Variants in PTPN20 observed in about 807,000 individuals in gnomAD.
PTPN20 encodes the protein tyrosine-protein phosphatase non-receptor type 20.
PTPN20 carries 9 observed loss-of-function variants against 35.0 expected under a neutral mutation model. That is an observed-to-expected ratio of 0.26 (90% CI 0.15 to 0.45). The LOEUF (loss-of-function observed/expected upper bound fraction) is 0.45, where lower values mean the gene tolerates loss of function less well. Ranked by LOEUF, PTPN20 falls within the 20% of genes least tolerant of loss-of-function variation. The pLI, the probability that PTPN20 is intolerant of heterozygous loss-of-function variation, is 1.00. For synonymous variants in PTPN20, 32 were observed against 100.2 expected, an observed-to-expected ratio of 0.32 and a Z score of 4.06; for missense variants, 111 against 312.5, an observed-to-expected ratio of 0.36 and a Z score of 4.86.
chr10:46,999,257 C>G (rs1285620699), intron 9 of PTPN20, among the ~76,000 whole-genome samples: 1 of 152,172 alleles, frequency 6.6e-6, no homozygotes, highest in Non-Finnish European at 1.5e-5. Flanking sequence ...TGAAACGACT[C>G]ATTCTCAGCT....
intron 1 of PTPN20, among the ~76,000 whole-genome samples, chr10:46,920,267 A>G (rs1322580483): frequency 1.1e-5 from 1 of 92,902 alleles, no homozygotes; most frequent in African/African-American, 5.3e-5. Flanking sequence ...CTTTATATAG[A>G]TAGATATTCC....
At chr10:46,955,089 T>C (rs2048071551) in intron 5 of PTPN20, 2 of 150,946 alleles carry the variant, frequency 1.3e-5, no homozygotes, top group Admixed American at 6.6e-5. Context: ...TGCTATTTTG[T>C]GTAAAGGACT....
At chr10:46,936,429 T>C (rs2041682966) in intron 2 of PTPN20, among the ~76,000 whole-genome samples, 1 of 152,112 alleles carries the variant, frequency 6.6e-6, no homozygotes, top group Admixed American at 6.6e-5. Context: ...ATCTATTCCA[T>C]AGCCTAGAAA....
intron 1 of PTPN20, among the ~76,000 whole-genome samples, chr10:46,919,090 T>G (rs1378066339): frequency 1.3e-5 from 2 of 149,000 alleles, no homozygotes; most frequent in East Asian, 1.9e-4. Context: ...TTGTCGATGT[T>G]AATATGGCCA....
intron 1 of PTPN20, among the ~76,000 whole-genome samples, chr10:46,928,133 A>T (rs1267472200): frequency 6.6e-6 from 1 of 151,236 alleles, no homozygotes; most frequent in Non-Finnish European, 1.5e-5. Flanking sequence ...TGGCAACTGT[A>T]TCATCATCAG....
At chr10:46,977,156 G>GAAAA (rs1265360912) in intron 7 of PTPN20, among the ~76,000 whole-genome samples, 1 of 152,272 alleles carries the variant, frequency 6.6e-6, no homozygotes, top group Non-Finnish European at 1.5e-5. Context: ...AAGTCATTAA[G>GAAAA]AAAAAAACGC....
intron 2 of PTPN20, among the ~76,000 whole-genome samples, chr10:46,936,399 G>A (rs1321709721): frequency 6.6e-6 from 1 of 152,110 alleles, no homozygotes; most frequent in East Asian, 1.9e-4. Context: ...TTAAATTACT[G>A]AGTTAGTTCC....
In PTPN20 at chr10:46,999,875, A is replaced by G. The variant is rs2059793746; in HGVS notation, c.1135-37A>G. 4 of 1,611,534 alleles carry G rather than the reference A, an allele frequency of 2.5e-6. No homozygotes were observed. In the East Asian group the frequency reaches 8.9e-5, roughly 36 times the overall value. The stretch of plus-strand genomic sequence containing the variant: ...ATCTGTGAATTTGTGTTTTTCCCCC[A>G]TGTGGATCATACAAAATTACTGTCA... On this transcript the variant is annotated intron_variant, in intron 9 of 10. Coordinates refer to ENST00000374339, the MANE Select transcript of PTPN20 (RefSeq NM_001042357.5).
At chr10:46,996,097 A>T (rs2059063716) in intron 9 of PTPN20, among the ~76,000 whole-genome samples, 1 of 152,172 alleles carries the variant, frequency 6.6e-6, no homozygotes, top group Non-Finnish European at 1.5e-5. Context: ...TTATCTTTGA[A>T]TTAATTATTT....
intron 5 of PTPN20, among the ~76,000 whole-genome samples, chr10:46,953,392 T>TTTC (rs1454281032): frequency 7.0e-6 from 1 of 141,956 alleles, no homozygotes. Flanking sequence ...TCTTTCTTTC[T>TTTC]TTCTTTTTTT....
At chr10:46,951,097 C>T (rs1188739262) in intron 5 of PTPN20, among the ~76,000 whole-genome samples, 1 of 151,572 alleles carries the variant, frequency 6.6e-6, no homozygotes. Flanking sequence ...AGTTTATGTT[C>T]GTTTTATATT....
chr10:46,954,714 C>T (rs1422689956), intron 5 of PTPN20, among the ~76,000 whole-genome samples: 1 of 150,218 alleles, frequency 6.7e-6, no homozygotes, highest in Admixed American at 6.6e-5. Flanking sequence ...GTTTCCCTTA[C>T]TTTCTCATTG....
At chr10:46,936,022 G>A (rs1241661881) in intron 2 of PTPN20, among the ~76,000 whole-genome samples, 1 of 151,988 alleles carries the variant, frequency 6.6e-6, no homozygotes, top group Non-Finnish European at 1.5e-5. Context: ...GTATCTCATT[G>A]TGGTTTTCAT....
intron 5 of PTPN20, among the ~76,000 whole-genome samples, chr10:46,950,623 A>G (rs1189445085): frequency 6.6e-6 from 1 of 152,076 alleles, no homozygotes; most frequent in Non-Finnish European, 1.5e-5. Context: ...TTAATAAAAT[A>G]TTTTAAAAGC....
intron 9 of PTPN20, among the ~76,000 whole-genome samples, chr10:46,994,233 CTCTT>C (rs1179331411): frequency 0.12 from 18,735 of 150,482 alleles, 1,891 homozygotes; most frequent in African/African-American, 0.29. Context: ...TTAGGATCCT[CTCTT>C]TATCCTTGAG....
At chr10:46,945,102 A>C (rs1290371690) in intron 4 of PTPN20, among the ~76,000 whole-genome samples, 1 of 137,710 alleles carries the variant, frequency 7.3e-6, no homozygotes, top group Non-Finnish European at 1.5e-5. Flanking sequence ...TTAGCTGCCA[A>C]GAGTTGTAGG....
intron 7 of PTPN20, among the ~76,000 whole-genome samples, chr10:46,983,463 C>G (rs2382733): frequency 2.6e-4 from 40 of 151,882 alleles, no homozygotes; most frequent in Admixed American, 5.2e-4. Flanking sequence ...TCTGCTCTCA[C>G]TGTGGGGATG....
rs879961167 is a variant in PTPN20 at position 46,940,608 on chromosome 10, C to A, written c.35-15C>A. 1.5e-3 allele frequency: 2,398 copies of A among 1,605,558 alleles called. 52 individuals carry two copies. In the South Asian group the frequency reaches 0.025, roughly 17 times the overall value. ...GTTTTCTATTTGATCAGTTTTTCCC[C>A]CCGCCTTTGTTCAGTAAACGATTAT... On this transcript the variant is annotated splice_polypyrimidine_tract_variant and intron_variant, in intron 2 of 10. Transcript: ENST00000374339.
At chr10:46,928,608 A>C (rs1214148339) in intron 1 of PTPN20, among the ~76,000 whole-genome samples, 1 of 151,802 alleles carries the variant, frequency 6.6e-6, no homozygotes, top group Admixed American at 6.6e-5. Flanking sequence ...CACACACTAC[A>C]GGGAATGATT....
Sources: gnomAD v4.1 joint callset for allele counts (sites outside exome capture counted in the v4.1 genomes callset) on GRCh38, gnomAD v4.1.1 for gene constraint, MANE v1.5 for transcripts, NCBI Gene and HGNC (gene_info 2026-07-23, HGNC 2026-07-21) for gene names.